NCKAP5: variants seen among roughly 807,000 people sequenced by gnomAD.
NCKAP5 encodes the protein nck-associated protein 5.
In NCKAP5, 92 loss-of-function variants were observed where a neutral mutation model predicts 167.0. The ratio of observed to expected loss-of-function variants is 0.55; its 90% CI spans 0.47 to 0.66. The LOEUF (loss-of-function observed/expected upper bound fraction) is 0.66, where lower values mean the gene tolerates loss of function less well. Among genes scored for constraint, NCKAP5 ranks in the 30% least tolerant of loss-of-function variants. NCKAP5 has a pLI of 0.00. For missense variants in NCKAP5, 2,378 were observed against 2,315.0 expected (o/e 1.03, Z -0.56); for synonymous variants, 891 against 877.4 (o/e 1.02, Z -0.27).
chr2:133,530,715 A>C (rs1395854446), intron 2 of NCKAP5, among the ~76,000 whole-genome samples: 1 of 152,168 alleles, frequency 6.6e-6, no homozygotes, highest in African/African-American at 2.4e-5. Context: ...TTTGACCAAT[A>C]GAATGTGGCA....
chr2:133,662,639 T>C, the NCKAP5 span, among the ~76,000 whole-genome samples: 2 of 140,552 alleles, frequency 1.4e-5, no homozygotes, highest in African/African-American at 5.2e-5. Context: ...AGTAATTCAG[T>C]GAAAGTGGCA....
At chr2:133,111,437 T>C (rs1001244163) in intron 6 of NCKAP5, among the ~76,000 whole-genome samples, 6 of 152,194 alleles carry the variant, frequency 3.9e-5, no homozygotes, top group African/African-American at 9.7e-5. Context: ...AATGGAGAGA[T>C]ACAAGAAGAT....
Position 133,288,110 on chromosome 2 carries a change from G to A in NCKAP5, c.143+14927C>T, listed in dbSNP as rs191812583. 1.2e-4 allele frequency among the ~76,000 whole-genome samples: 19 copies of A among 152,320 alleles called. No homozygotes were observed. The East Asian group carries it at 3.5e-3, about 28-fold the overall frequency. On this transcript the variant is annotated intron_variant, in intron 4 of 19. Transcript: ENST00000409261. The stretch of plus-strand genomic sequence containing the variant: ...TCTCAAGTGGCAATGGCAAATTTCA[G>A]GGCTGACTTCCTGGATAACCAATTC...
intron 2 of NCKAP5, among the ~76,000 whole-genome samples, chr2:133,546,540 C>A (rs1409399213): frequency 6.6e-6 from 1 of 152,030 alleles, no homozygotes; most frequent in East Asian, 1.9e-4. Context: ...CATAAGGGCA[C>A]GGTTATCCTG....
chr2:133,330,404 T>G (rs1191439576), intron 3 of NCKAP5, among the ~76,000 whole-genome samples: 2 of 151,000 alleles, frequency 1.3e-5, no homozygotes, highest in African/African-American at 2.4e-5. Context: ...TTTGTTTTTT[T>G]TTTTTCTTAT....
chr2:133,384,701 T>C (rs1229087832), intron 3 of NCKAP5, among the ~76,000 whole-genome samples: 2 of 152,268 alleles, frequency 1.3e-5, no homozygotes, highest in African/African-American at 4.8e-5. Flanking sequence ...TGGAATGTTC[T>C]TCCATTTGTT....
intron 6 of NCKAP5, among the ~76,000 whole-genome samples, chr2:133,108,381 G>T (rs2081790912): frequency 6.6e-6 from 1 of 152,120 alleles, no homozygotes; most frequent in Non-Finnish European, 1.5e-5. Flanking sequence ...AGTCCCTTGA[G>T]AGACTAAGAA....
At chr2:133,130,245 C>G (rs1282252409) in intron 5 of NCKAP5, 134 bp from the exon 6 acceptor site, 1 of 953,118 alleles carries the variant, frequency 1.0e-6, no homozygotes, top group Admixed American at 3.5e-5. Flanking sequence ...GAAGTAGGTC[C>G]TATTCTTAAT....
intron 3 of NCKAP5, among the ~76,000 whole-genome samples, chr2:133,440,264 C>G (rs1411235158): frequency 6.6e-6 from 1 of 152,086 alleles, no homozygotes; most frequent in Non-Finnish European, 1.5e-5. Context: ...TCTGTGGGAG[C>G]CTGAGTACGT....
chr2:133,304,741 G>A (rs369830294), intron 3 of NCKAP5, among the ~76,000 whole-genome samples: 10 of 152,288 alleles, frequency 6.6e-5, no homozygotes, highest in African/African-American at 1.2e-4. Context: ...TGTTAGATGC[G>A]AAGAGCTGTT....
chr2:133,285,533 G>C (rs1469527433), intron 4 of NCKAP5, among the ~76,000 whole-genome samples: 2 of 152,132 alleles, frequency 1.3e-5, no homozygotes, highest in East Asian at 3.9e-4. Context: ...TTGGGTGGTG[G>C]GGTGGGGTGA....
At chr2:133,664,639 A>G in the NCKAP5 span, among the ~76,000 whole-genome samples, 3 of 152,204 alleles carry the variant, frequency 2.0e-5, no homozygotes, top group Admixed American at 1.3e-4. Flanking sequence ...AGCTGGGATT[A>G]CAGGCGCACA....
chr2:133,523,727 G>C (rs983975839), intron 2 of NCKAP5, among the ~76,000 whole-genome samples: 1 of 152,138 alleles, frequency 6.6e-6, no homozygotes, highest in South Asian at 2.1e-4. Context: ...CGAGAACAGA[G>C]ACTGTGTCAA....
intron 3 of NCKAP5, among the ~76,000 whole-genome samples, chr2:133,463,317 T>C (rs1349181852): frequency 9.2e-5 from 14 of 152,224 alleles, no homozygotes; most frequent in Admixed American, 6.5e-5. Context: ...TCCAGATGCA[T>C]GCATATTGTA....
At chr2:132,835,376 T>G (rs1216082942) in intron 11 of NCKAP5, among the ~76,000 whole-genome samples, 2 of 152,222 alleles carry the variant, frequency 1.3e-5, no homozygotes, top group Non-Finnish European at 2.9e-5. Context: ...GGTTGATCTT[T>G]GCCCTCTCAG....
intron 3 of NCKAP5, among the ~76,000 whole-genome samples, chr2:133,365,352 T>C (rs924346771): frequency 6.6e-6 from 1 of 152,228 alleles, no homozygotes; most frequent in African/African-American, 2.4e-5. Context: ...TTGGTGTATG[T>C]GTATCTCTGA....
chr2:132,785,073 A>C lies in NCKAP5; in HGVS notation c.1738T>G (p.Ser580Ala). The change falls in exon 14 of 20, where the codon TCA (serine) becomes GCA (alanine). Residue 580 changes from serine (S) to alanine (A), a missense_variant. This residue lies in a region of NCKAP5 where 1,049 missense variants were observed against 1,023.4 expected (regional missense o/e 1.02). Transcript: ENST00000409261. ...HGRMALNLQL[S>A]DTDDNETFDE... ...AACGTTTCATTGTCATCAGTGTCTGAAAGCTGGAGGTTGAGAGCCATGCGG... is the reference window on the plus strand; with the variant it reads ...AACGTTTCATTGTCATCAGTGTCTGCAAGCTGGAGGTTGAGAGCCATGCGG... 1 of 1,614,064 alleles carries C rather than the reference A, an allele frequency of 6.2e-7. No individual in the cohort carries two copies. Among genetic ancestry groups the C allele is most frequent in the South Asian group, 1.1e-5 (1 of 91,088 alleles).
chr2:132,884,799 G>A (rs565542188), intron 8 of NCKAP5, among the ~76,000 whole-genome samples: 1 of 152,092 alleles, frequency 6.6e-6, no homozygotes, highest in Non-Finnish European at 1.5e-5. Context: ...AACATGTATG[G>A]AAATAAAGCT....
chr2:133,116,413 G>A lies in NCKAP5; in HGVS notation c.341+13565C>T, dbSNP rs1416300664. Among the ~76,000 whole-genome samples the A allele has an allele frequency of 3.3e-5, 3 of 91,132 alleles. 1 individual carries two copies. Among genetic ancestry groups the A allele is most frequent in the South Asian group, 3.3e-4 (1 of 3,076 alleles). 59.8% of individuals were successfully genotyped at this position (91,132 alleles called of 152,430 possible). ...TGAGGCAGGAGAATGGCGTGAACCC[G>A]GGAGGCGGAGCTTGCAGTGAGCCGA... On this transcript the variant is annotated intron_variant, in intron 6 of 19. Coordinates refer to ENST00000409261, the MANE Select transcript of NCKAP5 (RefSeq NM_207363.3).
Sources: allele counts gnomAD v4.1 joint callset (sites outside exome capture counted in the v4.1 genomes callset), GRCh38; gene constraint gnomAD v4.1.1; regional missense constraint gnomAD v4.1.1; transcripts MANE v1.5; gene names NCBI Gene and HGNC (gene_info 2026-07-23, HGNC 2026-07-21).